ZNF81: variants seen among roughly 807,000 people sequenced by gnomAD.
The protein encoded by ZNF81 is zinc finger protein 81 (HFZ20).
ZNF81 carries 5 observed loss-of-function variants against 32.3 expected under a neutral mutation model. The ratio of observed to expected loss-of-function variants is 0.15; its 90% CI spans 0.08 to 0.33. The LOEUF (loss-of-function observed/expected upper bound fraction) is 0.33, where lower values mean the gene tolerates loss of function less well. Among genes scored for constraint, ZNF81 ranks in the 10% least tolerant of loss-of-function variants. ZNF81 has a pLI of 1.00. For synonymous variants in ZNF81, 163 were observed against 166.8 expected (o/e 0.98, Z 0.17); for missense variants, 379 against 479.8 (o/e 0.79, Z 1.96).
At chrX:47,846,050 A>T (rs2058468959) in intron 1 of ZNF81, 55 bp from the exon 2 acceptor site, 4 of 492,674 alleles carry the variant, frequency 8.1e-6, no homozygotes, top group African/African-American at 2.3e-5. Context: ...CCCCCAGGAG[A>T]TGTCTGTGTA....
Position 47,918,991 on chromosome X carries a change from C to T in ZNF81, c.*2359C>T. On this transcript the variant is annotated 3_prime_UTR_variant, in exon 5 of 5. Transcript: ENST00000338637. The stretch of plus-strand genomic sequence containing the variant: ...GGGGGGCATGTAACTTGTCATTTAG[C>T]TCACAGGTATCTGGATCAAGAAACT... 1 of 262,514 alleles carries T rather than the reference C, an allele frequency of 3.8e-6. No homozygotes were observed. The highest frequency in any genetic ancestry group is 3.7e-5 in the South Asian group (1 of 27,050). The allele number at this position is 262,514 out of a possible 1,213,427, so 21.6% of individuals were successfully genotyped here. A position where few individuals can be genotyped will look rare whatever the true frequency, so the allele number is the denominator to read the frequency against.
chrX:47,855,268 G>A (rs1556881744), intron 2 of ZNF81, among the ~76,000 whole-genome samples: 1 of 110,529 alleles, frequency 9.0e-6, no homozygotes, highest in Non-Finnish European at 1.9e-5. Flanking sequence ...TTACAATATT[G>A]TGAGGATTAC....
chrX:47,845,435 T>A (rs1280200936), intron 1 of ZNF81, among the ~76,000 whole-genome samples: 1 of 112,378 alleles, frequency 8.9e-6, no homozygotes, highest in African/African-American at 3.2e-5. Flanking sequence ...ATTTTTCTTA[T>A]AGCATGTCTC....
At chrX:47,859,578 C>G (rs963559088) in intron 2 of ZNF81, among the ~76,000 whole-genome samples, 8 of 111,752 alleles carry the variant, frequency 7.2e-5, no homozygotes, top group Non-Finnish European at 7.5e-5. Context: ...GACTTCAAAT[C>G]AGAATCCAAA....
chrX:47,873,666 G>A lies in ZNF81; in HGVS notation c.55-14333G>A, dbSNP rs782007881. ...TTAACGCAGTGGAGTTTGTTTGTTT[G>A]TTTGTTTTGTTTTGTTTTGACACAG... On this transcript the variant is annotated intron_variant, in intron 2 of 4. Coordinates refer to ENST00000338637, the MANE Select transcript of ZNF81 (RefSeq NM_007137.5). 2.7e-5 allele frequency among the ~76,000 whole-genome samples: 3 copies of A among 111,453 alleles called. No homozygotes were observed. The South Asian group carries it at 1.1e-3, about 41-fold the overall frequency.
intron 2 of ZNF81, among the ~76,000 whole-genome samples, chrX:47,861,501 G>C (rs73632359): frequency 0.01 from 1,121 of 111,904 alleles, 14 homozygotes; most frequent in African/African-American, 0.035. Context: ...CTACTCCACT[G>C]GTTACTTTAA....
chrX:47,885,811 A>T (rs1266912191), intron 2 of ZNF81, among the ~76,000 whole-genome samples: 1 of 112,182 alleles, frequency 8.9e-6, no homozygotes, highest in East Asian at 2.8e-4. Flanking sequence ...ATTGGGATTA[A>T]ATTTCAACAT....
chrX:47,917,417 C>T lies in ZNF81; in HGVS notation c.*785C>T, dbSNP rs2058761217. ...CCAAGTAGCGTCTCTTTGTCTACTA[C>T]TTGACTTTGAACTTGGCCACGTGAC... On this transcript the variant is annotated 3_prime_UTR_variant, in exon 5 of 5. Coordinates refer to ENST00000338637, the MANE Select transcript of ZNF81 (RefSeq NM_007137.5). 3.4e-6 allele frequency: 1 copy of T among 292,187 alleles called. No individual in the cohort carries two copies. Among genetic ancestry groups the T allele is most frequent in the Non-Finnish European group, 6.0e-6 (1 of 167,646 alleles). The allele number at this position is 292,187 out of a possible 1,213,427, so 24.1% of individuals were successfully genotyped here.
chrX:47,861,318 AG>A lies in ZNF81; in HGVS notation c.54+14998del, dbSNP rs1228426634. On this transcript the variant is annotated intron_variant, in intron 2 of 4. Transcript: ENST00000338637. Reference sequence around the variant, plus strand: ...TGGAAAACCCCACACATTTGGTGTCAGAAGTGTTCTGTGTGAGTGGAAGGAA... The same window carrying A: ...TGGAAAACCCCACACATTTGGTGTCAAAGTGTTCTGTGTGAGTGGAAGGAA... Among the ~76,000 whole-genome samples, 3 of 112,285 alleles carry A rather than the reference AG, an allele frequency of 2.7e-5. No individual in the cohort carries two copies. The Admixed American group carries it at 2.8e-4, about 11-fold the overall frequency.
chrX:47,891,437 T>G (rs1336976948), intron 3 of ZNF81, among the ~76,000 whole-genome samples: 2 of 112,278 alleles, frequency 1.8e-5, no homozygotes, highest in Non-Finnish European at 3.8e-5. Context: ...ATGGTAGCAC[T>G]GATTTCCGCA....
chrX:47,887,893 A>G, intron 2 of ZNF81, 106 bp from the exon 3 acceptor site: 2 of 949,348 alleles, frequency 2.1e-6, no homozygotes, highest in East Asian at 3.1e-5. Flanking sequence ...TGGGCATACC[A>G]TATCGTATAT....
intron 4 of ZNF81, 83 bp from the exon 5 acceptor site, chrX:47,914,841 C>A: frequency 1.1e-6 from 1 of 931,970 alleles, no homozygotes. Flanking sequence ...TCCATGTGTT[C>A]AATTTGTATT....
chrX:47,917,682 A>G lies in ZNF81; in HGVS notation c.*1050A>G, dbSNP rs539059. 0.085 allele frequency: 12,606 copies of G among 149,037 alleles called. 1,233 individuals are homozygous for G. Among genetic ancestry groups the G allele is most frequent in the African/African-American group, 0.32 (10,206 of 32,374 alleles). 12.3% of individuals were successfully genotyped at this position (149,037 alleles called of 1,213,427 possible). A position where few individuals can be genotyped will look rare whatever the true frequency, so the allele number is the denominator to read the frequency against. ...GGGAGTGAGGTTTTCCAAGACCTCTAGCCCCAGCTGAGCCAGCCTAGCCCA... is the reference window on the plus strand; with the variant it reads ...GGGAGTGAGGTTTTCCAAGACCTCTGGCCCCAGCTGAGCCAGCCTAGCCCA... On this transcript the variant is annotated 3_prime_UTR_variant, in exon 5 of 5. Transcript: ENST00000338637.
intron 2 of ZNF81, among the ~76,000 whole-genome samples, chrX:47,884,775 A>G (rs1015886146): frequency 9.0e-6 from 1 of 111,657 alleles, no homozygotes; most frequent in Non-Finnish European, 1.9e-5. Context: ...AATGGTGTGA[A>G]CCCAGTGAGA....
At chrX:47,903,362 T>A (rs1485556779) in intron 4 of ZNF81, among the ~76,000 whole-genome samples, 17 of 93,090 alleles carry the variant, frequency 1.8e-4, no homozygotes, top group South Asian at 5.7e-4. Context: ...TTCAGCAAAG[T>A]CTCAAGATAC....
At chrX:47,853,869 C>G (rs2058505562) in intron 2 of ZNF81, among the ~76,000 whole-genome samples, 1 of 111,962 alleles carries the variant, frequency 8.9e-6, no homozygotes, top group South Asian at 3.7e-4. Context: ...TTAAAGTAAC[C>G]AGCTGCATTA....
chrX:47,860,178 C>CT (rs35562353), intron 2 of ZNF81, among the ~76,000 whole-genome samples: 36,326 of 91,408 alleles, frequency 0.4, 6,925 homozygotes, highest in East Asian at 0.6. Flanking sequence ...ATGAGATGAC[C>CT]TTTTTTTTTT....
intron 2 of ZNF81, among the ~76,000 whole-genome samples, chrX:47,883,465 C>A (rs2058628805): frequency 8.9e-6 from 1 of 112,138 alleles, no homozygotes; most frequent in Non-Finnish European, 1.9e-5. Context: ...GTCAAGAAAT[C>A]CATGCTTACG....
At chrX:47,889,812 G>A (rs2058656365) in intron 3 of ZNF81, among the ~76,000 whole-genome samples, 2 of 110,483 alleles carry the variant, frequency 1.8e-5, no homozygotes, top group South Asian at 7.8e-4. Context: ...CAAGAGTGAG[G>A]GGGAGATGCT....
Sources: allele counts gnomAD v4.1 joint callset (sites outside exome capture counted in the v4.1 genomes callset), GRCh38; gene constraint gnomAD v4.1.1; transcripts MANE v1.5; gene names NCBI Gene and HGNC (gene_info 2026-07-23, HGNC 2026-07-21).